Variants in TANK observed in about 807,000 individuals in gnomAD.
The protein encoded by TANK is TRAF family member associated NFKB activator.
In TANK, 15 loss-of-function variants were observed where a neutral mutation model predicts 43.6. The ratio of observed to expected loss-of-function variants is 0.34; its 90% confidence interval spans 0.23 to 0.53. The LOEUF (loss-of-function observed/expected upper bound fraction) is 0.53. TANK is among the 20% of genes least tolerant of loss of function. The pLI is 0.94. For missense variants in TANK, 417 were observed against 498.6 expected (o/e 0.84, Z 1.56); for synonymous variants, 162 against 178.2 (o/e 0.91, Z 0.73).
chr2:161,203,945 A>C (rs1476512761), intron 3 of TANK, among the ~76,000 whole-genome samples: 1 of 152,170 alleles, frequency 6.6e-6, no homozygotes, highest in Non-Finnish European at 1.5e-5. Flanking sequence ...ACTCAAAAAT[A>C]TATATGCGAG....
chr2:161,235,406 A>T lies in TANK; in HGVS notation c.1166A>T (p.Glu389Val). The change falls in exon 8 of 8, where the codon GAA becomes GTA. Residue 389 changes from glutamate (E) to valine (V), a missense_variant. Physicochemically the swap from Glu to Val is moderately radical, Grantham distance 121. Transcript: ENST00000392749. Reference protein sequence around the residue: ...DSVVLSGTDSELHIPRVCEFC... With the variant: ...DSVVLSGTDSVLHIPRVCEFC... ...GTGGTACTAAGTGGCACAGACTCAG[A>T]ACTGCATATACCTCGAGTATGTGAA... 6.2e-7 allele frequency: 1 copy of T among 1,613,864 alleles called. No individual in the cohort carries two copies.
intron 1 of TANK, among the ~76,000 whole-genome samples, chr2:161,170,460 G>A (rs1461706632): frequency 1.3e-5 from 2 of 152,072 alleles, no homozygotes; most frequent in African/African-American, 4.8e-5. Flanking sequence ...TATACTTCTT[G>A]TAGAATAATT....
At chr2:161,160,087 C>A (rs1255489519), upstream of TANK, 3 of 235,072 alleles carry the variant, frequency 1.3e-5, no homozygotes, top group East Asian at 1.5e-4. Context: ...TGTACTCTAA[C>A]TCATATATAG....
chr2:161,187,102 A>G (rs1685695783), intron 2 of TANK, among the ~76,000 whole-genome samples: 1 of 152,170 alleles, frequency 6.6e-6, no homozygotes, highest in South Asian at 2.1e-4. Flanking sequence ...GAGTGAATAT[A>G]TTAAATCAGA....
intron 1 of TANK, among the ~76,000 whole-genome samples, chr2:161,147,504 A>G (rs577281399): frequency 2.0e-5 from 3 of 152,228 alleles, no homozygotes; most frequent in African/African-American, 7.2e-5. Context: ...TGAAAAAAGC[A>G]TGGTTTCCCA....
intron 1 of TANK, chr2:161,137,089 T>C (rs1683607961): frequency 2.0e-6 from 2 of 985,362 alleles, no homozygotes; most frequent in Non-Finnish European, 2.4e-6. Flanking sequence ...TAGTTCCTAC[T>C]GATTCTTAAC....
chr2:161,208,829 C>A (rs1225880319), intron 4 of TANK, among the ~76,000 whole-genome samples: 2 of 152,198 alleles, frequency 1.3e-5, no homozygotes, highest in East Asian at 3.9e-4. Context: ...GTCTCAAAGT[C>A]ACATTCCTTC....
At chr2:161,180,704 A>G (rs1006921849) in intron 2 of TANK, among the ~76,000 whole-genome samples, 5 of 152,158 alleles carry the variant, frequency 3.3e-5, no homozygotes, top group Admixed American at 6.5e-5. Context: ...GCAACTCAAC[A>G]TTGGATCATA....
intron 1 of TANK, among the ~76,000 whole-genome samples, chr2:161,144,866 C>T (rs914735163): frequency 6.6e-6 from 1 of 152,120 alleles, no homozygotes; most frequent in Non-Finnish European, 1.5e-5. Context: ...AATTTTCTAT[C>T]TCGTTGATCT....
intron 1 of TANK, chr2:161,160,790 G>T (rs1186194255): frequency 1.8e-6 from 1 of 556,094 alleles, no homozygotes; most frequent in East Asian, 4.4e-5. Flanking sequence ...GCTTTGCCCG[G>T]GAAATGGGGG....
chr2:161,165,237 G>T (rs1047628072), intron 1 of TANK, among the ~76,000 whole-genome samples: 1 of 152,112 alleles, frequency 6.6e-6, no homozygotes, highest in Admixed American at 6.5e-5. Flanking sequence ...TGCAGTATGA[G>T]AATTGTTCTA....
At chr2:161,147,395 T>G (rs1486406159) in intron 1 of TANK, among the ~76,000 whole-genome samples, 2 of 151,034 alleles carry the variant, frequency 1.3e-5, no homozygotes, top group African/African-American at 4.9e-5. Flanking sequence ...TCTAGCTGAG[T>G]GGCTGTTGAG....
chr2:161,208,470 A>G (rs1196692549), intron 4 of TANK, among the ~76,000 whole-genome samples: 3 of 152,174 alleles, frequency 2.0e-5, no homozygotes, highest in African/African-American at 7.2e-5. Context: ...TCTTTTGTAC[A>G]CCACAGTAAT....
chr2:161,182,568 C>A (rs1328666167), intron 2 of TANK, among the ~76,000 whole-genome samples: 1 of 152,042 alleles, frequency 6.6e-6, no homozygotes, highest in Non-Finnish European at 1.5e-5. Flanking sequence ...AATACAGGAG[C>A]TTCTGTCTTT....
At chr2:161,214,563 G>A (rs1687036020) in intron 4 of TANK, among the ~76,000 whole-genome samples, 1 of 150,744 alleles carries the variant, frequency 6.6e-6, no homozygotes, top group South Asian at 2.1e-4. Context: ...AGTGACAACA[G>A]TTTGATATGG....
chr2:161,181,534 C>T (rs901769681), intron 2 of TANK, among the ~76,000 whole-genome samples: 1 of 152,044 alleles, frequency 6.6e-6, no homozygotes, highest in Non-Finnish European at 1.5e-5. Flanking sequence ...GACTGGGAGG[C>T]CTCAGGAAAC....
rs1188290625 is a variant in TANK at position 161,160,442 on chromosome 2, C to G, written c.-94C>G. On this transcript the variant is annotated 5_prime_UTR_variant, in exon 1 of 8. Transcript: ENST00000392749. ...CGGTTGGAGTCACTCGGCCAGGCGC[C>G]GGCGACCTGAGGGGAGAGGGAACGC... 2 of 1,239,370 alleles carry G rather than the reference C, an allele frequency of 1.6e-6. No individual in the cohort carries two copies. The highest frequency in any genetic ancestry group is 3.7e-5 in the South Asian group (1 of 26,742). The allele number at this position is 1,239,370 out of a possible 1,614,324, so 76.8% of individuals were successfully genotyped here. A position where few individuals can be genotyped will look rare whatever the true frequency, so the allele number is the denominator to read the frequency against.
At chr2:161,149,216 A>C (rs1684003327) in intron 1 of TANK, among the ~76,000 whole-genome samples, 1 of 152,134 alleles carries the variant, frequency 6.6e-6, no homozygotes, top group African/African-American at 2.4e-5. Context: ...CTCTTTGGTT[A>C]AGTTTATTCC....
At position 161,204,655 on chromosome 2, in the gene TANK, A is replaced by C; in HGVS notation, c.209-20A>C. 3.8e-6 allele frequency: 6 copies of C among 1,596,304 alleles called. No individual in the cohort carries two copies. The highest frequency in any genetic ancestry group is 5.1e-6 in the Non-Finnish European group (6 of 1,173,864). On this transcript the variant is annotated intron_variant, in intron 3 of 7. Transcript: ENST00000392749. ...AAATAAGGGTTTTCTGCTAATGTCC[A>C]AGAGGTTTTTGTCTTGCAGATAACA... is the stretch of plus-strand genomic sequence containing the variant.
Sources: allele counts gnomAD v4.1 joint callset (sites outside exome capture counted in the v4.1 genomes callset), GRCh38; gene constraint gnomAD v4.1.1; transcripts MANE v1.5; gene names NCBI Gene and HGNC (gene_info 2026-07-23, HGNC 2026-07-21).